ZBTB1: variants seen among roughly 807,000 people sequenced by gnomAD.
ZBTB1 encodes zinc finger and BTB domain-containing protein 1.
Under a neutral mutation model 51.6 loss-of-function variants are expected in ZBTB1, and 13 were observed. The ratio of observed to expected loss-of-function variants is 0.25; its 90% confidence interval spans 0.16 to 0.40. The LOEUF is 0.40. Ranked by LOEUF, ZBTB1 falls within the 10% of genes least tolerant of loss-of-function variation. ZBTB1 has a pLI of 1.00. For missense variants in ZBTB1, 567 were observed against 856.5 expected, an observed-to-expected ratio of 0.66 and a Z score of 4.22; for synonymous variants, 240 against 282.2, an observed-to-expected ratio of 0.85 and a Z score of 1.50.
chr14:64,512,159 AATTT>A (rs2079731739), intron 1 of ZBTB1, among the ~76,000 whole-genome samples: 1 of 152,154 alleles, frequency 6.6e-6, no homozygotes, highest in African/African-American at 2.4e-5. Flanking sequence ...TGTCATCTCT[AATTT>A]ATTTAAGAGT....
At chr14:64,528,349 T>C (rs754426066), downstream of ZBTB1, among the ~76,000 whole-genome samples, 36 of 102,836 alleles carry the variant, frequency 3.5e-4, no homozygotes, top group Middle Eastern at 4.8e-3. Context: ...CTTTTCTTTT[T>C]TTTTTTTTTT....
chr14:64,508,494 G>A (rs2079690098), intron 1 of ZBTB1, among the ~76,000 whole-genome samples: 1 of 152,196 alleles, frequency 6.6e-6, no homozygotes, highest in African/African-American at 2.4e-5. Context: ...AGGAGGCTTA[G>A]AATGTTCCAA....
downstream of ZBTB1, among the ~76,000 whole-genome samples, chr14:64,527,258 T>C (rs2079910413): frequency 6.6e-6 from 1 of 151,644 alleles, no homozygotes; most frequent in Non-Finnish European, 1.5e-5. Flanking sequence ...GTGGATCACC[T>C]GAGGTCAAGA....
chr14:64,510,953 G>A (rs1053577178), intron 1 of ZBTB1, among the ~76,000 whole-genome samples: 1 of 152,126 alleles, frequency 6.6e-6, no homozygotes, highest in African/African-American at 2.4e-5. Flanking sequence ...TGGAGTAGAT[G>A]GGCAGATTTG....
intron 1 of ZBTB1, among the ~76,000 whole-genome samples, chr14:64,509,706 T>C (rs1180176712): frequency 6.6e-6 from 1 of 151,902 alleles, no homozygotes; most frequent in Non-Finnish European, 1.5e-5. Context: ...GTGTGGTGGC[T>C]CACGCTTGTA....
chr14:64,519,338 C>G (rs1419693327), intron 1 of ZBTB1, among the ~76,000 whole-genome samples: 2 of 151,248 alleles, frequency 1.3e-5, no homozygotes, highest in Non-Finnish European at 2.9e-5. Context: ...TTAGTAGAGA[C>G]AGGTTTTCAC....
chr14:64,530,777 A>G (rs2079936769), intron 2 of ZBTB1, among the ~76,000 whole-genome samples: 1 of 152,158 alleles, frequency 6.6e-6, no homozygotes, highest in African/African-American at 2.4e-5. Context: ...CATTCTTTCC[A>G]TCAAAATCTA....
Position 64,522,932 on chromosome 14 carries a change from G to T in ZBTB1, c.1428G>T (p.Leu476=). The T allele has an allele frequency of 6.2e-7, 1 of 1,614,172 alleles. No individual in the cohort carries two copies. The highest frequency in any genetic ancestry group is 1.1e-5 in the South Asian group (1 of 91,044). Residue 476 remains leucine (L), a synonymous_variant, in exon 2 of 2, where the codon CTG becomes CTT. Coordinates refer to ENST00000683701, the MANE Select transcript of ZBTB1 (RefSeq NM_001123329.2). ...HAQRCGEPQD[L]TMNGLGNTEE... ...AACGATGTGGCGAGCCCCAAGATCT[G>T]ACCATGAATGGGTTAGGAAATACTG...
At chr14:64,506,088 G>A (rs748517830) in intron 1 of ZBTB1, among the ~76,000 whole-genome samples, 15 of 152,218 alleles carry the variant, frequency 9.9e-5, no homozygotes, top group Non-Finnish European at 2.1e-4. Context: ...GGAAAATTGA[G>A]TACAAAAAGA....
chr14:64,524,135 A>G lies in ZBTB1; in HGVS notation c.*489A>G, dbSNP rs994091821. ...CTCTTTATTCCCCCTTATTAATGAA[A>G]TTCATATTCTTAAATTGACAAGCTT... On this transcript the variant is annotated 3_prime_UTR_variant, in exon 2 of 2. Coordinates refer to ENST00000683701, the MANE Select transcript of ZBTB1 (RefSeq NM_001123329.2). 10 of 985,002 alleles carry G rather than the reference A, an allele frequency of 1.0e-5. No homozygotes were observed. Among genetic ancestry groups the G allele is most frequent in the Non-Finnish European group, 9.6e-6 (8 of 829,744 alleles). The allele number at this position is 985,002 out of a possible 1,614,324, so 61.0% of individuals were successfully genotyped here.
chr14:64,519,876 G>C (rs1320704879), intron 1 of ZBTB1, among the ~76,000 whole-genome samples: 3 of 152,030 alleles, frequency 2.0e-5, no homozygotes, highest in Non-Finnish European at 4.4e-5. Flanking sequence ...TGCATGTTGA[G>C]CAACATGAGA....
exon 3 of ZBTB1, chr14:64,533,181 G>A (rs1328798478): frequency 6.6e-6 from 1 of 152,086 alleles, no homozygotes; most frequent in African/African-American, 2.4e-5. Context: ...CTGAGAAAGA[G>A]TTAATTGCAA....
rs146182303 is a variant in ZBTB1 at position 64,509,191 on chromosome 14, G to A, written c.-19+4245G>A. On this transcript the variant is annotated intron_variant, in intron 1 of 1. Transcript: ENST00000683701. ...TTGAGACCAGCCTGGCCAACATGGCGAAACCCTGTCTCTACAAACAATACA... is the reference window on the plus strand; with the variant it reads ...TTGAGACCAGCCTGGCCAACATGGCAAAACCCTGTCTCTACAAACAATACA... 1.7e-3 allele frequency among the ~76,000 whole-genome samples: 263 copies of A among 152,264 alleles called. 2 individuals are homozygous for A. In the East Asian group the frequency reaches 0.018, roughly 11 times the overall value.
intron 1 of ZBTB1, among the ~76,000 whole-genome samples, chr14:64,507,853 A>G (rs2079683296): frequency 2.0e-5 from 3 of 152,210 alleles, no homozygotes; most frequent in African/African-American, 7.2e-5. Context: ...GAGTTTCATA[A>G]TTTATAATTA....
At chr14:64,506,656 G>A (rs1020893435) in intron 1 of ZBTB1, among the ~76,000 whole-genome samples, 2 of 152,178 alleles carry the variant, frequency 1.3e-5, no homozygotes, top group African/African-American at 2.4e-5. Flanking sequence ...TCTTACATTC[G>A]TTTTATGAGC....
At chr14:64,509,157 C>G (rs543329786) in intron 1 of ZBTB1, among the ~76,000 whole-genome samples, 1 of 152,190 alleles carries the variant, frequency 6.6e-6, no homozygotes, top group South Asian at 2.1e-4. Flanking sequence ...ATTGTTTGAT[C>G]TCAGGAGTTT....
At position 64,504,926 on chromosome 14, in the gene ZBTB1, C is replaced by T. The variant is rs1229549097; in HGVS notation, c.-39C>T. 1 of 395,892 alleles carries T rather than the reference C, an allele frequency of 2.5e-6. No individual in the cohort carries two copies. Among genetic ancestry groups the T allele is most frequent in the Non-Finnish European group, 4.5e-6 (1 of 223,902 alleles). 24.5% of individuals were successfully genotyped at this position (395,892 alleles called of 1,614,324 possible). A position where few individuals can be genotyped will look rare whatever the true frequency, so the allele number is the denominator to read the frequency against. On this transcript the variant is annotated 5_prime_UTR_variant, in exon 1 of 2. Coordinates refer to ENST00000683701, the MANE Select transcript of ZBTB1 (RefSeq NM_001123329.2). ...CTTAAACTCCCTAAAATCTCCGCAG[C>T]TCTGGTTCCTGTTGCGGCCGGTAAG...
At chr14:64,518,134 G>A (rs982722112) in intron 1 of ZBTB1, among the ~76,000 whole-genome samples, 42 of 152,050 alleles carry the variant, frequency 2.8e-4, no homozygotes, top group African/African-American at 9.4e-4. Context: ...ACTGCGCCTG[G>A]CCCAGAAATA....
chr14:64,514,704 G>T (rs2079761935), intron 1 of ZBTB1, among the ~76,000 whole-genome samples: 1 of 152,220 alleles, frequency 6.6e-6, no homozygotes. Context: ...AAAGAATTCA[G>T]ATTGGGGTAA....
Sources: gnomAD v4.1 joint callset for allele counts (sites outside exome capture counted in the v4.1 genomes callset) on GRCh38, gnomAD v4.1.1 for gene constraint, MANE v1.5 for transcripts, NCBI Gene and HGNC (gene_info 2026-07-23, HGNC 2026-07-21) for gene names.